Variants in HIP1 observed in about 807,000 individuals in gnomAD.
HIP1 encodes huntingtin interacting protein 1.
In HIP1, 65 loss-of-function variants were observed where a neutral mutation model predicts 147.6. That is an observed-to-expected ratio of 0.44 (90% CI 0.36 to 0.54). HIP1 has a LOEUF of 0.54. Among genes scored for constraint, HIP1 ranks in the 20% least tolerant of loss-of-function variants. HIP1 has a pLI of 0.00. For missense variants in HIP1, 1,061 were observed against 1,299.6 expected (o/e 0.82, Z 2.82); for synonymous variants, 479 against 504.0 (o/e 0.95, Z 0.67).
intron 1 of HIP1, among the ~76,000 whole-genome samples, chr7:75,688,621 C>T (rs1554517825): frequency 6.6e-6 from 1 of 152,096 alleles, no homozygotes; most frequent in African/African-American, 2.4e-5. Context: ...GGCCCCGAGC[C>T]CACCACCAGC....
chr7:75,707,646 A>G (rs1342379700), intron 1 of HIP1, among the ~76,000 whole-genome samples: 2 of 150,934 alleles, frequency 1.3e-5, no homozygotes, highest in Admixed American at 6.6e-5. Context: ...CGCCAAGTCA[A>G]TCCTAAGCCA....
At chr7:75,664,337 TG>T in intron 1 of HIP1, among the ~76,000 whole-genome samples, 1 of 145,494 alleles carries the variant, frequency 6.9e-6, no homozygotes. Flanking sequence ...TGCATATATA[TG>T]TGTGTATGTA....
intron 1 of HIP1, among the ~76,000 whole-genome samples, chr7:75,696,688 C>T (rs1357448583): frequency 6.6e-6 from 1 of 150,460 alleles, no homozygotes; most frequent in Non-Finnish European, 1.5e-5. Flanking sequence ...GCAGCCTCCA[C>T]TTCCTGGGTT....
intron 1 of HIP1, among the ~76,000 whole-genome samples, chr7:75,734,919 T>G (rs528034278): frequency 7.2e-5 from 11 of 152,320 alleles, no homozygotes; most frequent in African/African-American, 2.6e-4. Context: ...CACGTGCTCT[T>G]GGTAATTATC....
Position 75,596,806 on chromosome 7 carries a change from C to T in HIP1, c.184+2378G>A, listed in dbSNP as rs587771757. ...GTGGCAGAATGTCAGAATCTCCTTG[C>T]AGGGCCCCTTCCCTCCTCCCAGGGA... On this transcript the variant is annotated intron_variant, in intron 2 of 30. Coordinates refer to ENST00000336926, the MANE Select transcript of HIP1 (RefSeq NM_005338.7). Among the ~76,000 whole-genome samples the T allele has an allele frequency of 5.2e-4, 79 of 152,316 alleles. No homozygotes were observed. The South Asian group carries it at 0.015, about 29-fold the overall frequency.
intron 1 of HIP1, among the ~76,000 whole-genome samples, chr7:75,672,740 A>G (rs1469303822): frequency 6.6e-6 from 1 of 152,206 alleles, no homozygotes; most frequent in Non-Finnish European, 1.5e-5. Flanking sequence ...TTAAGAAGCC[A>G]TTGCTTAATC....
intron 15 of HIP1, 121 bp from the exon 16 acceptor site, chr7:75,557,891 A>G: frequency 2.6e-6 from 2 of 762,128 alleles, no homozygotes; most frequent in Non-Finnish European, 4.6e-6. Context: ...TCACTTTCCT[A>G]CCCACAGCCG....
chr7:75,664,986 C>G (rs1191768681), intron 1 of HIP1, among the ~76,000 whole-genome samples: 1 of 152,096 alleles, frequency 6.6e-6, no homozygotes, highest in Admixed American at 6.6e-5. Context: ...ACTGAGATGT[C>G]TGGTTGGCTG....
At chr7:75,734,807 G>A (rs1360824241) in intron 1 of HIP1, among the ~76,000 whole-genome samples, 1 of 152,158 alleles carries the variant, frequency 6.6e-6, no homozygotes, top group Non-Finnish European at 1.5e-5. Context: ...TCTGTCACTG[G>A]AATGCCCCAT....
intron 1 of HIP1, among the ~76,000 whole-genome samples, chr7:75,728,787 CAA>C (rs782634244): frequency 1.1e-3 from 72 of 62,758 alleles, no homozygotes; most frequent in East Asian, 2.0e-3. Context: ...GACTCTGTCT[CAA>C]AAAAAAAAAA....
At chr7:75,695,963 G>A (rs1194730781) in intron 1 of HIP1, among the ~76,000 whole-genome samples, 2 of 151,670 alleles carry the variant, frequency 1.3e-5, no homozygotes, top group Admixed American at 1.3e-4. Context: ...GTCTCTCTTG[G>A]CATTTGCTTT....
At chr7:75,614,528 CAG>C (rs34838234) in intron 1 of HIP1, among the ~76,000 whole-genome samples, 93,305 of 151,770 alleles carry the variant, frequency 0.61, 31,682 homozygotes, top group Non-Finnish European at 0.77. Flanking sequence ...TCCATAGAGA[CAG>C]AGAGCTGACT....
intron 1 of HIP1, among the ~76,000 whole-genome samples, chr7:75,627,329 C>T (rs1002387847): frequency 3.9e-5 from 6 of 152,124 alleles, no homozygotes; most frequent in African/African-American, 1.4e-4. Context: ...TCAATCATTC[C>T]TACTTAGTTT....
intron 1 of HIP1, among the ~76,000 whole-genome samples, chr7:75,628,088 A>C (rs587692288): frequency 4.6e-5 from 7 of 152,316 alleles, no homozygotes; most frequent in African/African-American, 1.7e-4. Context: ...CCATTTCTGC[A>C]TCTAACCCCA....
chr7:75,537,219 C>T lies in HIP1; in HGVS notation c.*953G>A, dbSNP rs1794115651. 1 of 232,990 alleles carries T rather than the reference C, an allele frequency of 4.3e-6. No homozygotes were observed. Among genetic ancestry groups the T allele is most frequent in the South Asian group, 1.8e-4 (1 of 5,528 alleles). 14.4% of individuals were successfully genotyped at this position (232,990 alleles called of 1,614,324 possible). ...AACTGGGCTGTGTGAACCCTCTTGT[C>T]CCTCTTTCTGTTGTCTTCTCCCTTG... On this transcript the variant is annotated 3_prime_UTR_variant, in exon 31 of 31. Transcript: ENST00000336926.
Position 75,539,407 on chromosome 7 carries a change from C to T in HIP1, c.2977G>A (p.Glu993Lys). The T allele has an allele frequency of 1.2e-6, 2 of 1,614,094 alleles. No homozygotes were observed. The highest frequency in any genetic ancestry group is 1.7e-6 in the Non-Finnish European group (2 of 1,179,944). ...SQVRVLELEN[E>K]LQKERQKLGE... ...AGTTTTTGACGCTCCTTCTGCAATT[C>T]ATTTTCTAGCTCTAGCACCCTAACC... Residue 993 changes from glutamate (E) to lysine (K), a missense_variant, in exon 30 of 31, where the codon GAA becomes AAA. Glu to Lys is a moderately conservative substitution (Grantham distance 56). Coordinates refer to ENST00000336926, the MANE Select transcript of HIP1 (RefSeq NM_005338.7).
chr7:75,547,741 C>T lies in HIP1; in HGVS notation c.2465+14G>A, dbSNP rs1232700003. 1.9e-6 allele frequency: 3 copies of T among 1,609,596 alleles called. No individual in the cohort carries two copies. Among genetic ancestry groups the T allele is most frequent in the Non-Finnish European group, 2.6e-6 (3 of 1,175,904 alleles). ...TCCTGCTCCCCTAGGTCCCACCATG[C>T]CGCTCAGACCGACCTTTCATTCACC... is the stretch of plus-strand genomic sequence containing the variant. On this transcript the variant is annotated intron_variant, in intron 24 of 30. Coordinates refer to ENST00000336926, the MANE Select transcript of HIP1 (RefSeq NM_005338.7).
chr7:75,607,393 T>C (rs1554504025), intron 1 of HIP1, among the ~76,000 whole-genome samples: 1 of 151,540 alleles, frequency 6.6e-6, no homozygotes, highest in Non-Finnish European at 1.5e-5. Flanking sequence ...CAAGCCCGGC[T>C]AATTTTTGTA....
chr7:75,705,686 T>C (rs1185429020), intron 1 of HIP1, among the ~76,000 whole-genome samples: 1 of 152,030 alleles, frequency 6.6e-6, no homozygotes, highest in Non-Finnish European at 1.5e-5. Context: ...TCCATAATAT[T>C]CCGTTGTATA....
Sources: gnomAD v4.1 joint callset for allele counts (sites outside exome capture counted in the v4.1 genomes callset) on GRCh38, gnomAD v4.1.1 for gene constraint, MANE v1.5 for transcripts, NCBI Gene and HGNC (gene_info 2026-07-23, HGNC 2026-07-21) for gene names.